Variants in RUFY1 observed in about 807,000 individuals in gnomAD.
RUFY1 encodes RUN and FYVE domain-containing protein 1.
RUFY1 carries 54 observed loss-of-function variants against 94.6 expected under a neutral mutation model. The ratio of observed to expected loss-of-function variants is 0.57; its 90% CI spans 0.46 to 0.72. The LOEUF (loss-of-function observed/expected upper bound fraction) is 0.72. Ranked by LOEUF, RUFY1 falls within the 30% of genes least tolerant of loss-of-function variation. The pLI, the probability that RUFY1 is intolerant of heterozygous loss-of-function variation, is 0.00. For missense variants in RUFY1, 883 were observed against 883.9 expected, an observed-to-expected ratio of 1.00 and a Z score of 0.01; for synonymous variants, 396 against 347.3, an observed-to-expected ratio of 1.14 and a Z score of -1.56.
intron 17 of RUFY1, among the ~76,000 whole-genome samples, 153 bp from the exon 18 acceptor site, chr5:179,609,223 A>AAAG (rs370708036): frequency 4.4e-5 from 6 of 137,868 alleles, no homozygotes; most frequent in Non-Finnish European, 8.1e-5. Context: ...AAAAAAAAAA[A>AAAG]AAGACCCTTG....
chr5:179,560,725 CAAAAAA>C (rs68093858), intron 2 of RUFY1, among the ~76,000 whole-genome samples: 1 of 78,806 alleles, frequency 1.3e-5, no homozygotes, highest in Non-Finnish European at 2.5e-5. Flanking sequence ...GACTCCGTCT[CAAAAAA>C]AAAAAAAAAA....
intron 15 of RUFY1, 42 bp from the exon 16 acceptor site, chr5:179,605,834 C>CGGGGG: frequency 1.7e-6 from 2 of 1,156,892 alleles, no homozygotes; most frequent in Non-Finnish European, 2.6e-6. Flanking sequence ...CAGAGCCTCA[C>CGGGGG]TCTCTCTCAC....
rs1767485006 is a variant in RUFY1, at chr5:179,609,385, CG to C, written c.1995del (p.Asn666ThrfsTer102). The stretch of plus-strand genomic sequence containing the variant: ...TCTTCCCGTCCTGTAGCACCACTGC[CG>C]GAACTGTGGCCACATCTTCTGCAAC... Reference protein sequence around the residue: ...FSISRRKHHCRNCGHIFCNTC... With the variant: ...FSISRRKHHCXNCGHIFCNTC... On this transcript the variant is annotated frameshift_variant, in exon 18 of 18. Coordinates refer to ENST00000319449, the MANE Select transcript of RUFY1 (RefSeq NM_025158.5). LOFTEE classifies it high-confidence loss of function. 6.2e-7 allele frequency: 1 copy of C among 1,613,330 alleles called. No individual in the cohort carries two copies. Among genetic ancestry groups the C allele is most frequent in the Admixed American group, 1.7e-5 (1 of 59,954 alleles).
intron 1 of RUFY1, among the ~76,000 whole-genome samples, chr5:179,552,331 C>T (rs1338316581): frequency 1.3e-5 from 2 of 152,230 alleles, no homozygotes; most frequent in East Asian, 1.9e-4. Context: ...GTTGTGGTGC[C>T]TTCCAAGGAG....
intron 6 of RUFY1, among the ~76,000 whole-genome samples, chr5:179,577,781 G>C (rs559336364): frequency 6.6e-6 from 1 of 151,652 alleles, no homozygotes; most frequent in African/African-American, 2.4e-5. Context: ...GGAGGCGGTG[G>C]GAGCGCCGGA....
At chr5:179,572,164 C>G in intron 5 of RUFY1, 1 of 292,060 alleles carries the variant, frequency 3.4e-6, no homozygotes, top group Non-Finnish European at 6.9e-6. Context: ...TCATGGCTTC[C>G]AGTCAGTCGC....
rs73809492 is a variant in RUFY1 at position 179,601,888 on chromosome 5, T to G, written c.1762-4T>G. 3,321 of 1,610,654 alleles carry G rather than the reference T, an allele frequency of 2.1e-3. 49 individuals are homozygous for G. The African/African-American group carries it at 0.031, about 15-fold the overall frequency. ...CCAGCATCTGGTTGGTTTGTTCATT[T>G]TAGGAGTTGCGGGAGCTTCAGGACG... On this transcript the variant is annotated splice_region_variant and splice_polypyrimidine_tract_variant and intron_variant, in intron 14 of 17. Transcript: ENST00000319449.
chr5:179,581,033 A>C (rs754459898), intron 7 of RUFY1, 21 bp downstream of exon 7: 1 of 1,471,404 alleles, frequency 6.8e-7, no homozygotes. Context: ...TTTTTTTTTC[A>C]ATGTGACAGT....
At chr5:179,553,512 G>T (rs1260869254) in intron 1 of RUFY1, among the ~76,000 whole-genome samples, 2 of 152,172 alleles carry the variant, frequency 1.3e-5, no homozygotes, top group South Asian at 2.1e-4. Context: ...GGCCGGGCAT[G>T]GTGGCTCACA....
chr5:179,594,766 A>G (rs1281125159), intron 11 of RUFY1, 100 bp from the exon 12 acceptor site: 6 of 363,318 alleles, frequency 1.7e-5, no homozygotes, highest in Non-Finnish European at 2.4e-5. Flanking sequence ...GTCTCAAAAA[A>G]AAAAAAAAAA....
intron 12 of RUFY1, chr5:179,596,015 T>G (rs1765603755): frequency 6.3e-6 from 1 of 158,296 alleles, no homozygotes; most frequent in Non-Finnish European, 1.4e-5. Context: ...GAAATGAAAC[T>G]TATGTCTACA....
At chr5:179,568,479 T>G (rs964863472) in intron 4 of RUFY1, among the ~76,000 whole-genome samples, 3 of 152,236 alleles carry the variant, frequency 2.0e-5, no homozygotes, top group Admixed American at 6.5e-5. Flanking sequence ...CATGGCTCAT[T>G]GTCGAACATA....
At chr5:179,608,694 G>A (rs1767368290) in intron 17 of RUFY1, 2 of 914,342 alleles carry the variant, frequency 2.2e-6, no homozygotes, top group Non-Finnish European at 2.6e-6. Context: ...TTGGGAGGCT[G>A]AGGTGGGTGG....
At chr5:179,551,875 G>T (rs944609452) in intron 1 of RUFY1, among the ~76,000 whole-genome samples, 2 of 150,678 alleles carry the variant, frequency 1.3e-5, no homozygotes, top group Non-Finnish European at 3.0e-5. Context: ...ATTAAAAATT[G>T]AGTTCCTCGG....
intron 6 of RUFY1, among the ~76,000 whole-genome samples, chr5:179,579,657 C>CTTCTTTTTTTTTTTTT (rs1433456916): frequency 5.9e-5 from 3 of 50,562 alleles, no homozygotes; most frequent in African/African-American, 1.2e-4. Flanking sequence ...TTTTCTTCTT[C>CTTCTTTTTTTTTTTTT]TTTTTTTTTT....
At chr5:179,551,470 T>G (rs1240056987) in intron 1 of RUFY1, among the ~76,000 whole-genome samples, 1 of 152,210 alleles carries the variant, frequency 6.6e-6, no homozygotes, top group Non-Finnish European at 1.5e-5. Flanking sequence ...GCATATGTTT[T>G]TGTGTGTGTG....
rs773269063 is a variant in RUFY1, at chr5:179,569,282, G to C, written c.705-20G>C. On this transcript the variant is annotated intron_variant, in intron 4 of 17. Transcript: ENST00000319449. Reference sequence around the variant, plus strand: ...TGAAGCTGTTTCTGAGCATCGCCCTGTCCTGTCCATCTCTTTCAGCGAGTT... The same window carrying C: ...TGAAGCTGTTTCTGAGCATCGCCCTCTCCTGTCCATCTCTTTCAGCGAGTT... The C allele has an allele frequency of 1.2e-6, 2 of 1,613,794 alleles. No homozygotes were observed. The highest frequency in any genetic ancestry group is 3.3e-5 in the Admixed American group (2 of 59,930).
At chr5:179,589,794 T>C in intron 9 of RUFY1, 147 bp downstream of exon 9, 1 of 678,852 alleles carries the variant, frequency 1.5e-6, no homozygotes, top group African/African-American at 1.8e-5. Context: ...CTGCGGTCCC[T>C]GCCCACATCA....
In RUFY1 at chr5:179,550,625, A is replaced by G. The variant is rs1761769536; in HGVS notation, c.56A>G (p.Glu19Gly). Reference protein sequence around the residue: ...AAGRGRELEPELEPGPGPGSA... With the variant: ...AAGRGRELEPGLEPGPGPGSA... ...GGGCGGGGGCGGGAGCTGGAGCCGGAGCTGGAGCCGGGGCCGGGGCCCGGG... is the reference window on the plus strand; with the variant it reads ...GGGCGGGGGCGGGAGCTGGAGCCGGGGCTGGAGCCGGGGCCGGGGCCCGGG... The change falls in exon 1 of 18, where the codon GAG (glutamate) becomes GGG (glycine). Residue 19 changes from glutamate (E) to glycine (G), a missense_variant. Coordinates refer to ENST00000319449, the MANE Select transcript of RUFY1 (RefSeq NM_025158.5). 1 of 1,347,512 alleles carries G rather than the reference A, an allele frequency of 7.4e-7. No individual in the cohort carries two copies. Among genetic ancestry groups the G allele is most frequent in the South Asian group, 1.4e-5 (1 of 71,104 alleles). 83.5% of individuals were successfully genotyped at this position (1,347,512 alleles called of 1,614,324 possible).
Sources: allele counts gnomAD v4.1 joint callset (sites outside exome capture counted in the v4.1 genomes callset), GRCh38; gene constraint gnomAD v4.1.1; transcripts MANE v1.5; gene names NCBI Gene and HGNC (gene_info 2026-07-23, HGNC 2026-07-21).